STPG2: variants seen among roughly 807,000 people sequenced by gnomAD.
STPG2 encodes sperm-tail PG-rich repeat-containing protein 2.
STPG2 carries 56 observed loss-of-function variants against 54.2 expected under a neutral mutation model. The ratio of observed to expected loss-of-function variants is 1.03; its 90% confidence interval spans 0.83 to 1.29. STPG2 has a LOEUF of 1.29. STPG2 is among the 50% of genes most tolerant of loss of function. STPG2 has a pLI of 0.00. For missense variants in STPG2, 596 were observed against 544.9 expected, an observed-to-expected ratio of 1.09 and a Z score of -0.93; for synonymous variants, 200 against 181.8, an observed-to-expected ratio of 1.10 and a Z score of -0.81.
intron 4 of STPG2, among the ~76,000 whole-genome samples, chr4:97,470,309 T>G (rs1041806194): frequency 2.0e-5 from 3 of 152,120 alleles, no homozygotes; most frequent in African/African-American, 7.2e-5. Context: ...GCCTTTCTGG[T>G]TTGTACTACA....
At chr4:97,926,983 C>T (rs1371854559) in intron 8 of STPG2, among the ~76,000 whole-genome samples, 2 of 152,118 alleles carry the variant, frequency 1.3e-5, no homozygotes, top group African/African-American at 2.4e-5. Flanking sequence ...CTATCAGGTA[C>T]GTCTTGTTAT....
chr4:97,738,205 A>T (rs1725086575), intron 9 of STPG2, among the ~76,000 whole-genome samples: 1 of 152,208 alleles, frequency 6.6e-6, no homozygotes, highest in Non-Finnish European at 1.5e-5. Context: ...AGAGCTCCTG[A>T]AGGAAGCACT....
At chr4:97,720,249 A>T (rs1448497275) in intron 9 of STPG2, among the ~76,000 whole-genome samples, 2 of 151,906 alleles carry the variant, frequency 1.3e-5, no homozygotes, top group Non-Finnish European at 2.9e-5. Flanking sequence ...TCTCTTTTGT[A>T]ATAGAAATTA....
chr4:97,678,909 A>T (rs1412016463), intron 10 of STPG2, among the ~76,000 whole-genome samples: 3 of 151,864 alleles, frequency 2.0e-5, no homozygotes, highest in African/African-American at 4.8e-5. Context: ...GTTTACTGAG[A>T]ATGATGATTT....
At chr4:97,571,917 T>C (rs541544337) in intron 10 of STPG2, among the ~76,000 whole-genome samples, 1 of 152,278 alleles carries the variant, frequency 6.6e-6, no homozygotes, top group African/African-American at 2.4e-5. Flanking sequence ...GTCACCAAGC[T>C]TATTACTTGA....
intron 9 of STPG2, among the ~76,000 whole-genome samples, chr4:97,784,650 T>A (rs1726766642): frequency 6.6e-6 from 1 of 152,070 alleles, no homozygotes; most frequent in Admixed American, 6.6e-5. Context: ...AACTTGACTC[T>A]GGGATATTTT....
chr4:97,841,973 G>A (rs911811090), intron 8 of STPG2, among the ~76,000 whole-genome samples: 7 of 151,706 alleles, frequency 4.6e-5, no homozygotes, highest in Non-Finnish European at 1.0e-4. Flanking sequence ...GACCAATCAG[G>A]GTTTGAGCTA....
At chr4:97,713,289 T>A (rs1362287215) in intron 9 of STPG2, among the ~76,000 whole-genome samples, 1 of 152,172 alleles carries the variant, frequency 6.6e-6, no homozygotes, top group Non-Finnish European at 1.5e-5. Context: ...AGTAAACAGA[T>A]GGTTTGCATG....
At chr4:97,578,068 T>C (rs1732767424) in intron 10 of STPG2, among the ~76,000 whole-genome samples, 1 of 151,720 alleles carries the variant, frequency 6.6e-6, no homozygotes, top group Non-Finnish European at 1.5e-5. Context: ...CCTCTCAGTT[T>C]ACCAAAGGAA....
intron 5 of STPG2, among the ~76,000 whole-genome samples, chr4:97,997,830 A>G (rs1578767087): frequency 6.6e-6 from 1 of 152,178 alleles, no homozygotes; most frequent in Admixed American, 6.5e-5. Flanking sequence ...GACACAAAAA[A>G]GGGAACAAAA....
chr4:97,450,171 A>C (rs765284057), intron 4 of STPG2, among the ~76,000 whole-genome samples: 1 of 152,154 alleles, frequency 6.6e-6, no homozygotes, highest in African/African-American at 2.4e-5. Context: ...AATAAAAAAT[A>C]AAAAATCAAC....
intron 9 of STPG2, among the ~76,000 whole-genome samples, chr4:97,731,423 G>A (rs969087955): frequency 7.2e-5 from 11 of 152,104 alleles, no homozygotes; most frequent in African/African-American, 1.4e-4. Context: ...TTTTAGCCAC[G>A]TGCCTCTTCT....
chr4:97,857,317 A>C (rs1729368218), intron 8 of STPG2, among the ~76,000 whole-genome samples: 1 of 152,120 alleles, frequency 6.6e-6, no homozygotes, highest in African/African-American at 2.4e-5. Context: ...TAGGCTATTT[A>C]TCACTGCCTC....
chr4:97,482,372 A>C (rs1730244003), intron 4 of STPG2, among the ~76,000 whole-genome samples: 1 of 151,534 alleles, frequency 6.6e-6, no homozygotes, highest in East Asian at 1.9e-4. Flanking sequence ...AAAAACAAAA[A>C]CTTCAGGAAA....
At chr4:98,141,840 C>T (rs866617947) in intron 1 of STPG2, among the ~76,000 whole-genome samples, 1 of 149,062 alleles carries the variant, frequency 6.7e-6, no homozygotes, top group South Asian at 2.1e-4. Flanking sequence ...CCATGAAGGA[C>T]TGCTTGGAGA....
chr4:97,839,840 TA>T (rs1486892833), intron 9 of STPG2, among the ~76,000 whole-genome samples: 1 of 151,718 alleles, frequency 6.6e-6, no homozygotes, highest in East Asian at 1.9e-4. Flanking sequence ...AGTTTTTCAT[TA>T]AAAACTTTGG....
At chr4:97,522,314 T>C (rs1270983598) in intron 4 of STPG2, among the ~76,000 whole-genome samples, 2 of 151,934 alleles carry the variant, frequency 1.3e-5, no homozygotes, top group African/African-American at 4.8e-5. Context: ...TTTTCTTCCA[T>C]TGAGGAGTAA....
At chr4:97,676,804 A>C (rs182459197) in intron 10 of STPG2, among the ~76,000 whole-genome samples, 40 of 152,250 alleles carry the variant, frequency 2.6e-4, no homozygotes, top group African/African-American at 8.2e-4. Flanking sequence ...AAATTAATTA[A>C]ATTTAAATCA....
At chr4:97,827,337 G>A (rs933704890) in intron 9 of STPG2, among the ~76,000 whole-genome samples, 16 of 150,088 alleles carry the variant, frequency 1.1e-4, no homozygotes, top group Admixed American at 7.4e-4. Context: ...CCGGGTTCAC[G>A]CCATTCTCCT....
Sources: gnomAD v4.1 joint callset for allele counts (sites outside exome capture counted in the v4.1 genomes callset) on GRCh38, gnomAD v4.1.1 for gene constraint, MANE v1.5 for transcripts, NCBI Gene and HGNC (gene_info 2026-07-23, HGNC 2026-07-21) for gene names.